Variants in AXDND1 observed in about 807,000 individuals in gnomAD.
The protein encoded by AXDND1 is axonemal dynein light chain domain containing 1, also known as axonemal dynein light chain domain-containing protein 1.
AXDND1 carries 110 observed loss-of-function variants against 137.5 expected under a neutral mutation model. That is an observed-to-expected ratio of 0.80 (90% CI 0.69 to 0.94). AXDND1 has a LOEUF of 0.94. Ranked by LOEUF, AXDND1 falls within the 40% of genes least tolerant of loss-of-function variation. The pLI is 0.00. For synonymous variants in AXDND1, 414 were observed against 399.7 expected (o/e 1.04, Z -0.43); for missense variants, 1,191 against 1,169.8 (o/e 1.02, Z -0.26).
intron 18 of AXDND1, among the ~76,000 whole-genome samples, chr1:179,489,902 G>T (rs1391897104): frequency 6.6e-6 from 1 of 151,756 alleles, no homozygotes; most frequent in Non-Finnish European, 1.5e-5. Flanking sequence ...CCACCACCCC[G>T]CCCGACTAAT....
chr1:179,463,381 G>GGA (rs1423959456), intron 16 of AXDND1, among the ~76,000 whole-genome samples: 3 of 152,194 alleles, frequency 2.0e-5, no homozygotes, highest in African/African-American at 7.2e-5. Context: ...TATGTACCCA[G>GGA]TAGTCATTCA....
Position 179,390,691 on chromosome 1 carries a change from A to G in AXDND1, c.864-3212A>G, listed in dbSNP as rs200780569. 2.5e-3 allele frequency among the ~76,000 whole-genome samples: 345 copies of G among 135,530 alleles called. 14 individuals are homozygous for G. In the East Asian group the frequency reaches 0.064, roughly 25 times the overall value. The allele number at this position is 135,530 out of a possible 152,430, so 88.9% of individuals were successfully genotyped here. ...ATATTCCAAATAATTAGGGCTCTAC[A>G]ATTTTCTACAATTGTTCACTCACTT... is the stretch of plus-strand genomic sequence containing the variant. On this transcript the variant is annotated intron_variant, in intron 9 of 25. Transcript: ENST00000367618.
rs769871182 is a variant in AXDND1, at chr1:179,416,551, G to A, written c.1230+5285G>A. On this transcript the variant is annotated intron_variant, in intron 12 of 25. Transcript: ENST00000367618. ...TTCCCACCAACAGCGTACAAGTGGA[G>A]ACAAAAGTGACTCCATGTTGAATGC... Among the ~76,000 whole-genome samples, 8 of 152,170 alleles carry A rather than the reference G, an allele frequency of 5.3e-5. No individual in the cohort carries two copies. In the South Asian group the frequency reaches 8.3e-4, roughly 16 times the overall value.
At chr1:179,457,610 G>A (rs1661599812) in intron 16 of AXDND1, among the ~76,000 whole-genome samples, 1 of 152,068 alleles carries the variant, frequency 6.6e-6, no homozygotes, top group Admixed American at 6.5e-5. Context: ...TATTCATTTA[G>A]ATTTATCCAC....
intron 20 of AXDND1, 84 bp downstream of exon 20, chr1:179,493,035 G>T: frequency 1.1e-6 from 1 of 877,558 alleles, no homozygotes; most frequent in Non-Finnish European, 1.8e-6. Context: ...TGTACAACAA[G>T]CTCACATATT....
chr1:179,477,517 A>C (rs1449319949), intron 17 of AXDND1, among the ~76,000 whole-genome samples: 1 of 152,194 alleles, frequency 6.6e-6, no homozygotes, highest in Non-Finnish European at 1.5e-5. Flanking sequence ...TGAAACCATC[A>C]GATCTCATGA....
chr1:179,411,388 A>G, intron 12 of AXDND1, 122 bp downstream of exon 12: 1 of 1,320,752 alleles, frequency 7.6e-7, no homozygotes. Context: ...TCTGTTGCTT[A>G]GGCTGGAATT....
At chr1:179,520,615 A>C (rs1242204310) in intron 21 of AXDND1, among the ~76,000 whole-genome samples, 1 of 151,938 alleles carries the variant, frequency 6.6e-6, no homozygotes, top group Non-Finnish European at 1.5e-5. Context: ...TCTTAAAAAT[A>C]AGATTTTTTA....
intron 11 of AXDND1, among the ~76,000 whole-genome samples, chr1:179,402,699 G>T (rs189869280): frequency 7.2e-5 from 11 of 152,186 alleles, no homozygotes; most frequent in Non-Finnish European, 1.3e-4. Flanking sequence ...AAATGTCCCA[G>T]GTCTCTTAGA....
chr1:179,381,969 T>A (rs1040668782), intron 6 of AXDND1, among the ~76,000 whole-genome samples: 2 of 139,714 alleles, frequency 1.4e-5, no homozygotes, highest in Non-Finnish European at 3.1e-5. Context: ...TTTTTTTGTA[T>A]TTTTAGTAGC....
At chr1:179,507,582 C>T (rs1668653787) in intron 20 of AXDND1, among the ~76,000 whole-genome samples, 1 of 152,164 alleles carries the variant, frequency 6.6e-6, no homozygotes, top group Non-Finnish European at 1.5e-5. Context: ...ATATACAAGC[C>T]TTCTCAAGTC....
intron 2 of AXDND1, among the ~76,000 whole-genome samples, 164 bp from the exon 3 acceptor site, chr1:179,368,636 A>G (rs950333594): frequency 6.6e-6 from 1 of 152,178 alleles, no homozygotes; most frequent in Admixed American, 6.5e-5. Context: ...TTCCTTGACT[A>G]GATGATGTTC....
intron 21 of AXDND1, among the ~76,000 whole-genome samples, chr1:179,513,545 C>G (rs1474040682): frequency 1.3e-5 from 2 of 151,964 alleles, no homozygotes; most frequent in Non-Finnish European, 2.9e-5. Flanking sequence ...TATGTCCTTT[C>G]CTGGTTTTGG....
chr1:179,468,630 G>T lies in AXDND1; in HGVS notation c.1986G>T (p.Val662=). 1 of 1,594,934 alleles carries T rather than the reference G, an allele frequency of 6.3e-7. No homozygotes were observed. Among genetic ancestry groups the T allele is most frequent in the Non-Finnish European group, 8.5e-7 (1 of 1,173,154 alleles). Residue 662 remains valine, a synonymous_variant, in exon 17 of 26, where the codon GTG becomes GTT. Transcript: ENST00000367618. ...GTATTGTTCCACAGCACATAGATGT[G>T]GATTCTGTTTCGTAAGTTCCCATAG... ...LTGIVPQHID[V]DSVSVLQAYI...
At chr1:179,394,195 T>A in intron 10 of AXDND1, 152 bp downstream of exon 10, 2 of 750,248 alleles carry the variant, frequency 2.7e-6, no homozygotes, top group Non-Finnish European at 4.0e-6. Context: ...GAACTAGATG[T>A]CATTGTAGAT....
At chr1:179,466,741 T>G (rs111552770) in intron 16 of AXDND1, among the ~76,000 whole-genome samples, 4,578 of 152,314 alleles carry the variant, frequency 0.03, 219 homozygotes, top group African/African-American at 0.1. Context: ...TTTCTGTTTC[T>G]GATTGAATGT....
chr1:179,473,973 T>C (rs12736462), intron 17 of AXDND1, among the ~76,000 whole-genome samples: 69,290 of 151,846 alleles, frequency 0.46, 16,674 homozygotes, highest in East Asian at 0.76. Context: ...CCTGTAATCC[T>C]AACATTTTGG....
intron 16 of AXDND1, among the ~76,000 whole-genome samples, chr1:179,464,552 T>G (rs1662850094): frequency 6.6e-6 from 1 of 152,210 alleles, no homozygotes; most frequent in Non-Finnish European, 1.5e-5. Flanking sequence ...TTAACATTTT[T>G]TCCTTCATTT....
chr1:179,464,633 C>T (rs1054177405), intron 16 of AXDND1, among the ~76,000 whole-genome samples: 1 of 152,130 alleles, frequency 6.6e-6, no homozygotes, highest in Non-Finnish European at 1.5e-5. Context: ...GTGGCATTCT[C>T]TGTATTTCCT....
Sources: allele counts gnomAD v4.1 joint callset (sites outside exome capture counted in the v4.1 genomes callset), GRCh38; gene constraint gnomAD v4.1.1; transcripts MANE v1.5; gene names NCBI Gene and HGNC (gene_info 2026-07-23, HGNC 2026-07-21).